The following PRR14L variants were observed in gnomAD, a reference collection of about 807,000 sequenced individuals.
PRR14L encodes the protein proline rich 14 like.
In PRR14L, 80 loss-of-function variants were observed where a neutral mutation model predicts 155.0. The ratio of observed to expected loss-of-function variants is 0.52; its 90% CI spans 0.43 to 0.62. The LOEUF (loss-of-function observed/expected upper bound fraction) is 0.62, where lower values mean the gene tolerates loss of function less well. Among genes scored for constraint, PRR14L ranks in the 20% least tolerant of loss-of-function variants. PRR14L has a pLI of 0.00. For synonymous variants in PRR14L, 883 were observed against 916.0 expected (o/e 0.96, Z 0.65); for missense variants, 2,469 against 2,548.0 (o/e 0.97, Z 0.67).
In PRR14L at chr22:31,717,183, T is replaced by A; in HGVS notation, c.656A>T (p.Asn219Ile). 6.4e-7 allele frequency: 1 copy of A among 1,552,290 alleles called. No homozygotes were observed. The highest frequency in any genetic ancestry group is 1.2e-5 in the South Asian group (1 of 84,066). The change falls in exon 4 of 9, where the codon AAT becomes ATT. Residue 219 changes from asparagine to isoleucine, a missense_variant. Transcript: ENST00000327423. ...TDNNEGHKNG[N>I]VSKDLSAGCG... is the part of the protein sequence containing the mutation. Reference sequence around the variant, plus strand: ...TCCAGCTGAGAGATCTTTACTCACATTGCCATTTTTGTGTCCTTCATTATT... The same window carrying A: ...TCCAGCTGAGAGATCTTTACTCACAATGCCATTTTTGTGTCCTTCATTATT...
At chr22:31,720,984 C>A (rs2074686263) in intron 3 of PRR14L, among the ~76,000 whole-genome samples, 1 of 152,144 alleles carries the variant, frequency 6.6e-6, no homozygotes, top group South Asian at 2.1e-4. Flanking sequence ...CATAAACTTC[C>A]CAGACAAGCC....
intron 1 of PRR14L, among the ~76,000 whole-genome samples, chr22:31,748,135 G>A (rs1419404419): frequency 5.3e-5 from 8 of 152,118 alleles, no homozygotes; most frequent in Non-Finnish European, 8.8e-5. Flanking sequence ...ATAATGACCA[G>A]GCCCTCAGAA....
chr22:31,706,149 C>G (rs1049583437), intron 4 of PRR14L, among the ~76,000 whole-genome samples: 2 of 151,700 alleles, frequency 1.3e-5, no homozygotes, highest in African/African-American at 2.4e-5. Context: ...CTGGCCAACA[C>G]GATGAAACCC....
At chr22:31,726,832 C>A (rs1021160578) in intron 2 of PRR14L, among the ~76,000 whole-genome samples, 3 of 150,036 alleles carry the variant, frequency 2.0e-5, no homozygotes, top group Non-Finnish European at 4.4e-5. Context: ...CCCAGCAAAA[C>A]ACCCAGTCAG....
intron 7 of PRR14L, among the ~76,000 whole-genome samples, chr22:31,698,989 T>C (rs1403792393): frequency 2.0e-5 from 3 of 152,176 alleles, no homozygotes; most frequent in African/African-American, 7.2e-5. Context: ...AGTATCATGC[T>C]TTCTACCATA....
At chr22:31,712,034 A>G (rs2074625782) in intron 4 of PRR14L, 49 bp downstream of exon 4, 1 of 1,519,418 alleles carries the variant, frequency 6.6e-7, no homozygotes, top group Non-Finnish European at 8.9e-7. Context: ...CTCCCCAGAG[A>G]CAGGAAGCAA....
At position 31,714,741 on chromosome 22, in the gene PRR14L, C is replaced by T. The variant is rs933109919; in HGVS notation, c.3098G>A (p.Cys1033Tyr). The T allele has an allele frequency of 5.2e-6, 8 of 1,552,260 alleles. No homozygotes were observed. The African/African-American group carries it at 9.6e-5, about 19-fold the overall frequency. Residue 1033 changes from cysteine to tyrosine, a missense_variant, in exon 4 of 9, where the codon TGC (cysteine) becomes TAC (tyrosine). This residue lies in a region of PRR14L where 2,363 missense variants were observed against 2,371.6 expected (regional missense o/e 1.00). Coordinates refer to ENST00000327423, the MANE Select transcript of PRR14L (RefSeq NM_173566.3). ...NSLPCGSPKK[C>Y]NLKGAFVKMS... Reference sequence around the variant, plus strand: ...CTTGACAAAGGCTCCTTTCAAATTGCATTTCTTTGGACTACCACAAGGTAG... The same window carrying T: ...CTTGACAAAGGCTCCTTTCAAATTGTATTTCTTTGGACTACCACAAGGTAG...
Position 31,717,258 on chromosome 22 carries a change from A to G in PRR14L, c.581T>C (p.Leu194Pro). Residue 194 changes from leucine to proline, a missense_variant, in exon 4 of 9, where the codon CTA becomes CCA. Leu to Pro is a moderately conservative substitution (Grantham distance 98). Around this residue, in one of 2 missense-constraint regions of PRR14L, gnomAD observed 2,363 missense variants for 2,371.6 expected, o/e 1.00. Coordinates refer to ENST00000327423, the MANE Select transcript of PRR14L (RefSeq NM_173566.3). ...GNVQITAETL[L>P]KSAEVQGMKV... ...CATACCTTGTACTTCGGCGGATTTT[A>G]GCAGAGTTTCAGCTGTAATCTGTAC... 13 of 1,551,166 alleles carry G rather than the reference A, an allele frequency of 8.4e-6. No homozygotes were observed. Among genetic ancestry groups the G allele is most frequent in the Non-Finnish European group, 1.0e-5 (12 of 1,146,736 alleles).
In PRR14L at chr22:31,715,418, G is replaced by T; in HGVS notation, c.2421C>A (p.Phe807Leu). 6.4e-7 allele frequency: 1 copy of T among 1,552,290 alleles called. No homozygotes were observed. The highest frequency in any genetic ancestry group is 8.7e-7 in the Non-Finnish European group (1 of 1,147,106). ...QENMCSASAA[F>L]KSSKISLQVD... ...CTTGCAGGCTGATTTTGCTGGACTT[G>T]AAAGCAGCAGAAGCAGAACACATGT... The change falls in exon 4 of 9, where the codon TTC (phenylalanine) becomes TTA (leucine). Residue 807 changes from phenylalanine to leucine, a missense_variant. Transcript: ENST00000327423.
Position 31,712,099 on chromosome 22 carries a change from G to C in PRR14L, c.5740C>G (p.Leu1914Val), listed in dbSNP as rs2074626157. The C allele has an allele frequency of 6.2e-7, 1 of 1,611,944 alleles. No homozygotes were observed. The highest frequency in any genetic ancestry group is 2.2e-5 in the East Asian group (1 of 44,858). ...HSPHCKRQPS[L>V]GTTSSHTMLP... is the part of the protein sequence containing the mutation. ...AGATTTTACCTGCTTGTGGTGCCCA[G>C]ACTTGGTTGCCGCTTGCAGTGAGGG... Residue 1914 changes from leucine to valine, a missense_variant, in exon 4 of 9, where the codon CTG becomes GTG. Leu to Val is a conservative substitution (Grantham distance 32). Transcript: ENST00000327423.
At chr22:31,729,902 G>A (rs568295339) in intron 2 of PRR14L, among the ~76,000 whole-genome samples, 1 of 152,028 alleles carries the variant, frequency 6.6e-6, no homozygotes, top group Admixed American at 6.6e-5. Context: ...GGCCGAGCAC[G>A]GTGGTTCACG....
chr22:31,735,778 A>T (rs1272719580), intron 2 of PRR14L, among the ~76,000 whole-genome samples: 1 of 151,740 alleles, frequency 6.6e-6, no homozygotes, highest in Non-Finnish European at 1.5e-5. Flanking sequence ...GGCCGGGCGC[A>T]GTGGCTCACC....
chr22:31,693,336 C>G (rs141230859), intron 7 of PRR14L, among the ~76,000 whole-genome samples: 1 of 152,130 alleles, frequency 6.6e-6, no homozygotes, highest in African/African-American at 2.4e-5. Context: ...TCATACAGTA[C>G]GTAGTTTATT....
At chr22:31,696,223 C>A (rs1045752590) in intron 7 of PRR14L, among the ~76,000 whole-genome samples, 1 of 151,814 alleles carries the variant, frequency 6.6e-6, no homozygotes, top group African/African-American at 2.4e-5. Flanking sequence ...CTCACTGCAA[C>A]CACCGCCTTT....
chr22:31,708,914 A>G (rs189174659), intron 4 of PRR14L, among the ~76,000 whole-genome samples: 1 of 150,756 alleles, frequency 6.6e-6, no homozygotes, highest in African/African-American at 2.4e-5. Context: ...ACAACCTCCA[A>G]CTCCTGGGTT....
chr22:31,725,477 C>A, intron 3 of PRR14L, 61 bp downstream of exon 3: 1 of 1,111,774 alleles, frequency 9.0e-7, no homozygotes, highest in Non-Finnish European at 1.3e-6. Context: ...AAAATGGAAG[C>A]GGAACTAAAA....
intron 8 of PRR14L, among the ~76,000 whole-genome samples, chr22:31,686,789 A>G (rs1337927518): frequency 6.6e-6 from 1 of 152,162 alleles, no homozygotes; most frequent in Non-Finnish European, 1.5e-5. Context: ...GGAATTAATT[A>G]TAAGTAATTG....
rs760997301 is a variant in PRR14L, at chr22:31,703,658, G to A, written c.5892C>T (p.Ser1964=). The A allele has an allele frequency of 7.2e-5, 116 of 1,612,658 alleles. No homozygotes were observed. The highest frequency in any genetic ancestry group is 9.5e-5 in the Non-Finnish European group (112 of 1,179,258). The change falls in exon 6 of 9, where the codon AGC becomes AGT. Residue 1964 remains serine (S), a synonymous_variant. Transcript: ENST00000327423. ...KSCLVAESAV[S]KLLLSASEFQ... ...ACTCAGAGGCTGAAAGCAGGAGCTT[G>A]CTGACAGCTGATTCTGCTACCAAGC...
At chr22:31,706,102 C>T (rs1390065678) in intron 4 of PRR14L, among the ~76,000 whole-genome samples, 5 of 151,716 alleles carry the variant, frequency 3.3e-5, no homozygotes, top group South Asian at 4.2e-4. Context: ...GAGGCTGAGG[C>T]GGGTGGATCA....
Sources: gnomAD v4.1 joint callset for allele counts (sites outside exome capture counted in the v4.1 genomes callset) on GRCh38, gnomAD v4.1.1 for gene constraint, gnomAD v4.1.1 regional missense constraint, MANE v1.5 for transcripts, NCBI Gene and HGNC (gene_info 2026-07-23, HGNC 2026-07-21) for gene names.